The following SLC16A2 variants were observed in gnomAD, a reference collection of about 807,000 sequenced individuals.
SLC16A2 encodes the protein monocarboxylate transporter 8.
SLC16A2 carries 3 observed loss-of-function variants against 27.2 expected under a neutral mutation model. That is an observed-to-expected ratio of 0.11 (90% CI 0.05 to 0.28). The LOEUF (loss-of-function observed/expected upper bound fraction) is 0.28. SLC16A2 is among the 10% of genes least tolerant of loss of function. The pLI is 1.00. For synonymous variants in SLC16A2, 202 were observed against 187.8 expected (o/e 1.08, Z -0.62); for missense variants, 295 against 458.5 (o/e 0.64, Z 3.26).
chrX:74,462,870 A>T (rs1456887915), intron 1 of SLC16A2, among the ~76,000 whole-genome samples: 2 of 111,916 alleles, frequency 1.8e-5, no homozygotes, highest in Admixed American at 1.9e-4. Context: ...GCCTTCAGAA[A>T]CACTGCCCAC....
At chrX:74,524,170 C>T (rs998713829) in intron 2 of SLC16A2, among the ~76,000 whole-genome samples, 189 bp from the exon 3 acceptor site, 1 of 111,738 alleles carries the variant, frequency 8.9e-6, no homozygotes, top group East Asian at 2.8e-4. Context: ...TTTTACCTCG[C>T]TGAGCCTCTG....
intron 1 of SLC16A2, among the ~76,000 whole-genome samples, chrX:74,429,943 G>C (rs971819127): frequency 8.9e-6 from 1 of 111,860 alleles, no homozygotes; most frequent in Admixed American, 9.5e-5. Flanking sequence ...CCTGCTACTG[G>C]GAAAAAAATG....
chrX:74,454,984 G>T (rs1225253433), intron 1 of SLC16A2, among the ~76,000 whole-genome samples: 1 of 112,075 alleles, frequency 8.9e-6, no homozygotes, highest in Non-Finnish European at 1.9e-5. Context: ...TATCTGCATT[G>T]TTGGTGCATG....
rs1266251619 is a variant in SLC16A2 at position 74,435,790 on chromosome X, C to T, written c.430+13723C>T. Among the ~76,000 whole-genome samples, 3 of 109,548 alleles carry T rather than the reference C, an allele frequency of 2.7e-5. No individual in the cohort carries two copies. The East Asian group carries it at 8.7e-4, about 32-fold the overall frequency. Reference sequence around the variant, plus strand: ...AGGATCTGGACATAAATAATGCCTGCTGGCTGGGATCAAGAAAGAGCACTG... The same window carrying T: ...AGGATCTGGACATAAATAATGCCTGTTGGCTGGGATCAAGAAAGAGCACTG... On this transcript the variant is annotated intron_variant, in intron 1 of 5. Coordinates refer to ENST00000587091, the MANE Select transcript of SLC16A2 (RefSeq NM_006517.5).
chrX:74,532,317 C>T lies in SLC16A2; in HGVS notation c.*764C>T, dbSNP rs913258094. The T allele has an allele frequency of 1.8e-5, 2 of 112,571 alleles. No individual in the cohort carries two copies. Among genetic ancestry groups the T allele is most frequent in the African/African-American group, 6.5e-5 (2 of 30,672 alleles). 9.3% of individuals were successfully genotyped at this position (112,571 alleles called of 1,213,427 possible). ...CAGTCCCACTCATCTCAGGCTGAGC[C>T]ACATCTCACTTTTTCGCTCAAGCTA... On this transcript the variant is annotated 3_prime_UTR_variant, in exon 6 of 6. Coordinates refer to ENST00000587091, the MANE Select transcript of SLC16A2 (RefSeq NM_006517.5).
intron 1 of SLC16A2, among the ~76,000 whole-genome samples, chrX:74,440,534 T>G (rs139909866): frequency 0.084 from 8,742 of 104,271 alleles, 367 homozygotes; most frequent in South Asian, 0.24. Flanking sequence ...TTTTTTTTTT[T>G]TTTTTTTTTG....
chrX:74,445,243 G>A (rs1928817529), intron 1 of SLC16A2, among the ~76,000 whole-genome samples: 1 of 111,301 alleles, frequency 9.0e-6, no homozygotes, highest in African/African-American at 3.3e-5. Context: ...GGAAGCATAT[G>A]AGAGGCAAGG....
intron 1 of SLC16A2, among the ~76,000 whole-genome samples, chrX:74,502,479 C>T (rs1035977034): frequency 8.9e-6 from 1 of 112,288 alleles, no homozygotes; most frequent in East Asian, 2.8e-4. Context: ...TCTCTACACT[C>T]AGGAGTTGGT....
At chrX:74,507,184 G>C (rs1284065358) in intron 1 of SLC16A2, among the ~76,000 whole-genome samples, 1 of 109,942 alleles carries the variant, frequency 9.1e-6, no homozygotes, top group Non-Finnish European at 1.9e-5. Flanking sequence ...TTGAACTCCT[G>C]AGCTCAAGCC....
At chrX:74,495,961 G>A (rs1197717740) in intron 1 of SLC16A2, among the ~76,000 whole-genome samples, 1 of 111,027 alleles carries the variant, frequency 9.0e-6, no homozygotes, top group African/African-American at 3.3e-5. Flanking sequence ...GTGTTCAGGA[G>A]GGGGCAGTGT....
chrX:74,510,438 T>A (rs1463204970), intron 1 of SLC16A2, among the ~76,000 whole-genome samples: 2 of 111,942 alleles, frequency 1.8e-5, no homozygotes, highest in Non-Finnish European at 3.8e-5. Context: ...CTAAAGTAGA[T>A]AACTGACCAT....
intron 1 of SLC16A2, among the ~76,000 whole-genome samples, chrX:74,427,788 C>T (rs762998588): frequency 2.0e-5 from 2 of 98,436 alleles, no homozygotes; most frequent in Non-Finnish European, 4.0e-5. Flanking sequence ...TGCGCAAGCG[C>T]ATGCGCACGC....
chrX:74,426,905 A>G (rs1388117565), intron 1 of SLC16A2, among the ~76,000 whole-genome samples: 1 of 111,912 alleles, frequency 8.9e-6, no homozygotes, highest in Admixed American at 9.5e-5. Context: ...GGGGCTGCCC[A>G]TGGGTATAGA....
intron 3 of SLC16A2, among the ~76,000 whole-genome samples, chrX:74,525,364 T>C (rs1320935179): frequency 8.9e-6 from 1 of 112,136 alleles, no homozygotes; most frequent in African/African-American, 3.2e-5. Context: ...AAAACACACT[T>C]TGGAAGAGTT....
chrX:74,438,007 C>T (rs1292083321), intron 1 of SLC16A2, among the ~76,000 whole-genome samples: 1 of 112,246 alleles, frequency 8.9e-6, no homozygotes, highest in African/African-American at 3.2e-5. Context: ...TAACATTTGC[C>T]TTGAGGCTCT....
chrX:74,518,911 T>C (rs752037394), intron 1 of SLC16A2, among the ~76,000 whole-genome samples: 1 of 112,243 alleles, frequency 8.9e-6, no homozygotes, highest in Admixed American at 9.4e-5. Flanking sequence ...CTTTTCATTT[T>C]CATAACTATT....
At chrX:74,477,687 T>C (rs1342192529) in intron 1 of SLC16A2, among the ~76,000 whole-genome samples, 1 of 112,139 alleles carries the variant, frequency 8.9e-6, no homozygotes, top group Non-Finnish European at 1.9e-5. Flanking sequence ...TGTATCTTTG[T>C]TCTCATTGGT....
intron 1 of SLC16A2, among the ~76,000 whole-genome samples, chrX:74,503,854 T>A (rs1313150162): frequency 8.9e-6 from 1 of 112,360 alleles, no homozygotes; most frequent in Non-Finnish European, 1.9e-5. Flanking sequence ...CCTAGTCTAC[T>A]TACCAAGTCT....
chrX:74,423,030 A>G (rs746059602), intron 1 of SLC16A2, among the ~76,000 whole-genome samples: 2 of 113,146 alleles, frequency 1.8e-5, no homozygotes, highest in Admixed American at 1.8e-4. Flanking sequence ...TTTCCAGGCC[A>G]GTGGACGCAA....
Sources: allele counts gnomAD v4.1 joint callset (sites outside exome capture counted in the v4.1 genomes callset), GRCh38; gene constraint gnomAD v4.1.1; transcripts MANE v1.5; gene names NCBI Gene and HGNC (gene_info 2026-07-23, HGNC 2026-07-21).